RPTN: variants seen among roughly 807,000 people sequenced by gnomAD.
RPTN encodes repetin.
Under a neutral mutation model 3.6 loss-of-function variants are expected in RPTN, and 4 were observed. That is an observed-to-expected ratio of 1.12 (90% CI 0.55 to 2.55). The LOEUF (loss-of-function observed/expected upper bound fraction) is 2.55. Ranked by LOEUF, RPTN falls within the 30% of genes most tolerant of loss-of-function variation. The pLI is 0.02. For missense variants in RPTN, 860 were observed against 916.7 expected (o/e 0.94, Z 0.80); for synonymous variants, 293 against 319.3 (o/e 0.92, Z 0.88).
Position 152,156,382 on chromosome 1 carries a change from A to G in RPTN, c.717T>C (p.His239=), listed in dbSNP as rs565368217. 1.9e-6 allele frequency: 3 copies of G among 1,614,240 alleles called. No homozygotes were observed. The highest frequency in any genetic ancestry group is 1.7e-5 in the Admixed American group (1 of 60,026). Reference sequence around the variant, plus strand: ...GTGTATGTCTTTCAGACTGACCATAATGAGAATCCTGAATTGGTTTTTCAC... The same window carrying G: ...GTGTATGTCTTTCAGACTGACCATAGTGAGAATCCTGAATTGGTTTTTCAC... The part of the protein sequence containing the change: ...NRCEKPIQDS[H]YGQSERHTQQ... The change falls in exon 3 of 3, where the codon CAT becomes CAC. Residue 239 remains histidine (H), a synonymous_variant. Coordinates refer to ENST00000316073, the MANE Select transcript of RPTN (RefSeq NM_001122965.1).
In RPTN at chr1:152,156,584, T is replaced by A; in HGVS notation, c.515A>T (p.Gln172Leu). The A allele has an allele frequency of 6.2e-7, 1 of 1,600,706 alleles. No homozygotes were observed. The highest frequency in any genetic ancestry group is 8.5e-7 in the Non-Finnish European group (1 of 1,173,566). ...EKQDRDSHHS[Q>L]PERQDRDSHH... ...AGAATCTCTGTCTTGTCTCTCAGGC[T>A]GACTGTGGTGGGAATCTCTGTCTTG... The change falls in exon 3 of 3, where the codon CAG (glutamine) becomes CTG (leucine). Residue 172 changes from glutamine to leucine, a missense_variant. Coordinates refer to ENST00000316073, the MANE Select transcript of RPTN (RefSeq NM_001122965.1).
In RPTN at chr1:152,154,832, C is replaced by T. The variant is rs372825443; in HGVS notation, c.2267G>A (p.Arg756Lys). Residue 756 changes from arginine (R) to lysine (K), a missense_variant, in exon 3 of 3, where the codon AGA (arginine) becomes AAA (lysine). Arg to Lys is a conservative substitution (Grantham distance 26). Transcript: ENST00000316073. ...QTHEHEQSHQRRDRQTHEDKQ... is the reference protein window; with the variant it reads ...QTHEHEQSHQKRDRQTHEDKQ... ...GTCTTCATGGGTTTGCCTGTCTCGT[C>T]TCTGATGGCTCTGCTCATGTTCATG... The T allele has an allele frequency of 6.8e-6, 11 of 1,613,646 alleles. No individual in the cohort carries two copies. In the African/African-American group the frequency reaches 1.3e-4, roughly 20 times the overall value.
chr1:152,156,024 T>C lies in RPTN; in HGVS notation c.1075A>G (p.Asn359Asp), dbSNP rs1311871088. ...TAGTGGGAACCCTGGCCTTGTCTGT[T>C]TGTCTGATCATAATGATAACACTGG... ...KGQCYHYDQT[N>D]RQGQGSHYSQ... is the part of the protein sequence containing the mutation. The change falls in exon 3 of 3, where the codon AAC becomes GAC. Residue 359 changes from asparagine to aspartate, a missense_variant. Transcript: ENST00000316073. 3.1e-6 allele frequency: 5 copies of C among 1,607,738 alleles called. No homozygotes were observed. The highest frequency in any genetic ancestry group is 2.2e-5 in the East Asian group (1 of 44,496).
In RPTN at chr1:152,156,341, A is replaced by G; in HGVS notation, c.758T>C (p.Leu253Pro). Residue 253 changes from leucine to proline, a missense_variant, in exon 3 of 3, where the codon CTT becomes CCT. Leu to Pro is a moderately conservative substitution (Grantham distance 98). Transcript: ENST00000316073. ...SERHTQQSET[L>P]GQASHFNQTN... is the part of the protein sequence containing the mutation. Reference sequence around the variant, plus strand: ...CTGGTTAAAGTGAGAGGCTTGTCCAAGTGTTTCAGATTGTTGTGTATGTCT... The same window carrying G: ...CTGGTTAAAGTGAGAGGCTTGTCCAGGTGTTTCAGATTGTTGTGTATGTCT... 3 of 1,614,252 alleles carry G rather than the reference A, an allele frequency of 1.9e-6. No homozygotes were observed. Among genetic ancestry groups the G allele is most frequent in the East Asian group, 2.2e-5 (1 of 44,890 alleles).
rs753836527 is a variant in RPTN at position 152,156,646 on chromosome 1, T to C, written c.453A>G (p.Arg151=). 2.5e-6 allele frequency: 4 copies of C among 1,597,956 alleles called. No homozygotes were observed. The African/African-American group carries it at 5.4e-5, about 21-fold the overall frequency. The change falls in exon 3 of 3, where the codon AGA becomes AGG. Residue 151 remains arginine, a synonymous_variant. Transcript: ENST00000316073. Reference sequence around the variant, plus strand: ...GACCATGGTGGGAATCTCTGTCTTGTCTCTCAGGCTGACCATGGTGGGAAT... The same window carrying C: ...GACCATGGTGGGAATCTCTGTCTTGCCTCTCAGGCTGACCATGGTGGGAAT... ...DGDSHHGQPE[R]QDRDSHHGQS...
In RPTN at chr1:152,154,624, G is replaced by C; in HGVS notation, c.*120C>G. On this transcript the variant is annotated 3_prime_UTR_variant, in exon 3 of 3. Transcript: ENST00000316073. ...TGTGGAATTTTTCTCTGTTAGGACA[G>C]CTTCTGTGGGTCACTTGGGATTTTT... 1 of 1,379,618 alleles carries C rather than the reference G, an allele frequency of 7.2e-7. No homozygotes were observed. The highest frequency in any genetic ancestry group is 1.4e-5 in the South Asian group (1 of 71,284). 85.5% of individuals were successfully genotyped at this position (1,379,618 alleles called of 1,614,324 possible). A position where few individuals can be genotyped will look rare whatever the true frequency, so the allele number is the denominator to read the frequency against.
At position 152,154,743 on chromosome 1, in the gene RPTN, C is replaced by G; in HGVS notation, c.*1G>C. ...TGATCCTCTTCATGAGTTTGCCTGT[C>G]TCATCTCTGATGGTTCTGCTCGTCT... On this transcript the variant is annotated 3_prime_UTR_variant, in exon 3 of 3. Transcript: ENST00000316073. The G allele has an allele frequency of 6.2e-7, 1 of 1,613,706 alleles. No homozygotes were observed. Among genetic ancestry groups the G allele is most frequent in the Non-Finnish European group, 8.5e-7 (1 of 1,179,792 alleles).
Position 152,157,797 on chromosome 1 carries a change from T to C in RPTN, c.93A>G (p.Glu31=), listed in dbSNP as rs1659237553. 5.0e-6 allele frequency: 8 copies of C among 1,614,076 alleles called. No homozygotes were observed. Among genetic ancestry groups the C allele is most frequent in the Non-Finnish European group, 5.9e-6 (7 of 1,179,952 alleles). ...CAGCCAAGAGCAGTTGTTTCAACTC[T>C]TCCTTGCATAGTAAGGCACAGTCCC... The part of the protein sequence containing the change: ...GNGDCALLCK[E]ELKQLLLAEF... The change falls in exon 2 of 3, where the codon GAA becomes GAG. Residue 31 remains glutamate (E), a synonymous_variant. Coordinates refer to ENST00000316073, the MANE Select transcript of RPTN (RefSeq NM_001122965.1).
rs796823452 is a variant in RPTN at position 152,155,702 on chromosome 1, G to A, written c.1397C>T (p.Thr466Ile). 2.5e-6 allele frequency: 4 copies of A among 1,612,528 alleles called. No homozygotes were observed. In the African/African-American group the frequency reaches 5.4e-5, roughly 22 times the overall value. The change falls in exon 3 of 3, where the codon ACA (threonine) becomes ATA (isoleucine). Residue 466 changes from threonine to isoleucine, a missense_variant. Coordinates refer to ENST00000316073, the MANE Select transcript of RPTN (RefSeq NM_001122965.1). The stretch of plus-strand genomic sequence containing the variant: ...GTGGGAACTCTGGCCTTGTCTGTCT[G>A]TCTGACCATAGTGGGAACTCTGGCC... ...RQGQSSHYGQ[T>I]DRQGQSSHYS...
intron 1 of RPTN, among the ~76,000 whole-genome samples, chr1:152,158,775 A>G (rs946572421): frequency 5.9e-5 from 9 of 152,182 alleles, no homozygotes; most frequent in Non-Finnish European, 1.2e-4. Context: ...AGTGACAAAT[A>G]ATGGATCACA....
At chr1:152,158,171 A>G (rs1659244239) in intron 1 of RPTN, among the ~76,000 whole-genome samples, 1 of 152,344 alleles carries the variant, frequency 6.6e-6, no homozygotes, top group Admixed American at 6.5e-5. Context: ...GGTGTTTTAC[A>G]TATCCCATCC....
rs772598160 is a variant in RPTN, at chr1:152,156,276, C to T, written c.823G>A (p.Glu275Lys). ...CAGCCTAATTCCTGACCTAGCCTCT[C>T]AGACTGTCCACAATAAGAGCCTGAT... is the stretch of plus-strand genomic sequence containing the variant. ...QKSGSYCGQS[E>K]RLGQELGCGQ... is the part of the protein sequence containing the mutation. Residue 275 changes from glutamate (E) to lysine (K), a missense_variant, in exon 3 of 3, where the codon GAG becomes AAG. Physicochemically the swap from Glu to Lys is moderately conservative, Grantham distance 56. Transcript: ENST00000316073. 2.5e-6 allele frequency: 4 copies of T among 1,614,240 alleles called. No homozygotes were observed. The highest frequency in any genetic ancestry group is 1.6e-4 in the Middle Eastern group (1 of 6,062).
At chr1:152,158,108 G>A (rs549631288) in intron 1 of RPTN, among the ~76,000 whole-genome samples, 199 bp from the exon 2 acceptor site, 2 of 152,044 alleles carry the variant, frequency 1.3e-5, no homozygotes, top group Non-Finnish European at 2.9e-5. Context: ...TGCAAACTTG[G>A]TTCCCTTGCT....
chr1:152,154,485 T>C lies in RPTN; in HGVS notation c.*259A>G. The C allele has an allele frequency of 1.7e-6, 1 of 573,310 alleles. No homozygotes were observed. The highest frequency in any genetic ancestry group is 3.1e-6 in the Non-Finnish European group (1 of 326,420). 35.5% of individuals were successfully genotyped at this position (573,310 alleles called of 1,614,324 possible). A position where few individuals can be genotyped will look rare whatever the true frequency, so the allele number is the denominator to read the frequency against. ...GGGGGGTTGGGAACAGTAGCTCCCT[T>C]GGCAGGGTGACCACGCTGTTCTCTG... On this transcript the variant is annotated 3_prime_UTR_variant, in exon 3 of 3. Transcript: ENST00000316073.
Position 152,155,982 on chromosome 1 carries a change from G to A in RPTN, c.1117C>T (p.Gln373Ter), listed in dbSNP as rs756933648. 7.4e-6 allele frequency: 12 copies of A among 1,613,618 alleles called. No individual in the cohort carries two copies. In the Admixed American group the frequency reaches 1.5e-4, roughly 20 times the overall value. Residue 373 changes from glutamine (Q) to a stop codon, truncating the protein, a stop_gained, in exon 3 of 3, where the codon CAA becomes TAA. Coordinates refer to ENST00000316073, the MANE Select transcript of RPTN (RefSeq NM_001122965.1). LOFTEE classifies it low-confidence loss of function (END_TRUNC). ...QGSHYSQPNRQGQSSHYGQPD... is the reference protein window; with the variant it reads ...QGSHYSQPNR ...TGACCATAGTGGGAACTCTGACCTT[G>A]TCTGTTTGGTTGACTGTAGTGGGAA...
Position 152,155,240 on chromosome 1 carries a change from CT to C in RPTN, c.1858del (p.Ser620ValfsTer44). 1 of 1,614,242 alleles carries C rather than the reference CT, an allele frequency of 6.2e-7. No homozygotes were observed. The highest frequency in any genetic ancestry group is 1.3e-5 in the African/African-American group (1 of 75,060). ...CCCTTCCTGTCCTGGAGTCTGTTGA[CT>C]TAGCCTCCCTGATCTTCCTGATTGT... Reference protein sequence around the residue: ...VEQSGRSGRLSQQTPGQEGYQ... With the variant: ...VEQSGRSGRLXQQTPGQEGYQ... On this transcript the variant is annotated frameshift_variant, in exon 3 of 3. Transcript: ENST00000316073. LOFTEE classifies it low-confidence loss of function (END_TRUNC).
rs1313110943 is a variant in RPTN, at chr1:152,156,035, T to C, written c.1064A>G (p.Tyr355Cys). The change falls in exon 3 of 3, where the codon TAT becomes TGT. Residue 355 changes from tyrosine (Y) to cysteine (C), a missense_variant. Physicochemically the swap from Tyr to Cys is radical, Grantham distance 194 (BLOSUM62 -2). Coordinates refer to ENST00000316073, the MANE Select transcript of RPTN (RefSeq NM_001122965.1). ...QMDRKGQCYHYDQTNRQGQGS... is the reference protein window; with the variant it reads ...QMDRKGQCYHCDQTNRQGQGS... ...CTGGCCTTGTCTGTTTGTCTGATCA[T>C]AATGATAACACTGGCCTTTTCTGTC... The C allele has an allele frequency of 6.2e-7, 1 of 1,613,440 alleles. No homozygotes were observed. The highest frequency in any genetic ancestry group is 2.2e-5 in the East Asian group (1 of 44,830).
chr1:152,155,135 C>T lies in RPTN; in HGVS notation c.1964G>A (p.Ser655Asn). ...TAAGAGTTTGTGTTGGTGATGTTGG[C>T]TATCCTCTTCAGGCTCCCATACCTG... is the stretch of plus-strand genomic sequence containing the variant. ...GHQVWEPEED[S>N]QHHQHKLLAQ... The change falls in exon 3 of 3, where the codon AGC (serine) becomes AAC (asparagine). Residue 655 changes from serine to asparagine, a missense_variant. Ser to Asn is a conservative substitution (Grantham distance 46). Transcript: ENST00000316073. 6.2e-7 allele frequency: 1 copy of T among 1,614,186 alleles called. No homozygotes were observed. Among genetic ancestry groups the T allele is most frequent in the Non-Finnish European group, 8.5e-7 (1 of 1,180,046 alleles).
rs1165858585 is a variant in RPTN at position 152,153,647 on chromosome 1, A to G, written c.*1097T>C. 1 of 152,298 alleles carries G rather than the reference A, an allele frequency of 6.6e-6. No homozygotes were observed. The highest frequency in any genetic ancestry group is 1.5e-5 in the Non-Finnish European group (1 of 68,048). 9.4% of individuals were successfully genotyped at this position (152,298 alleles called of 1,614,324 possible). On this transcript the variant is annotated 3_prime_UTR_variant, in exon 3 of 3. Transcript: ENST00000316073. ...TTTTAATACAATTCATAATCTGCAC[A>G]TAGATTTTCTTGAGAAGAGTTTTCA...
Sources: allele counts gnomAD v4.1 joint callset (sites outside exome capture counted in the v4.1 genomes callset), GRCh38; gene constraint gnomAD v4.1.1; transcripts MANE v1.5; gene names NCBI Gene and HGNC (gene_info 2026-07-23, HGNC 2026-07-21).